PDE1C: variants seen among roughly 807,000 people sequenced by gnomAD.
The protein encoded by PDE1C is phosphodiesterase 1C.
A neutral mutation model predicts 93.1 loss-of-function variants in PDE1C; 62 were observed. The ratio of observed to expected loss-of-function variants is 0.67; its 90% CI spans 0.54 to 0.82. PDE1C has a LOEUF of 0.82. Among genes scored for constraint, PDE1C ranks in the 40% least tolerant of loss-of-function variants. The pLI is 0.00. For synonymous variants in PDE1C, 325 were observed against 310.1 expected (o/e 1.05, Z -0.50); for missense variants, 742 against 884.6 (o/e 0.84, Z 2.04).
chr7:32,295,647 T>G (rs1812572643), intron 1 of PDE1C, among the ~76,000 whole-genome samples: 1 of 152,132 alleles, frequency 6.6e-6, no homozygotes, highest in African/African-American at 2.4e-5. Flanking sequence ...ATCCCAACAC[T>G]TTGGGAGACC....
intron 1 of PDE1C, among the ~76,000 whole-genome samples, chr7:32,280,993 T>A (rs1051258079): frequency 1.3e-5 from 2 of 152,002 alleles, no homozygotes; most frequent in African/African-American, 2.4e-5. Context: ...TCTAAAAAAA[T>A]TTAAAAATAA....
At chr7:32,381,455 G>A (rs550076154) in intron 1 of PDE1C, among the ~76,000 whole-genome samples, 2 of 152,026 alleles carry the variant, frequency 1.3e-5, no homozygotes, top group East Asian at 3.9e-4. Context: ...ACTCATCCAG[G>A]CCTATGTGAA....
chr7:32,222,300 A>G (rs754385913), intron 1 of PDE1C, among the ~76,000 whole-genome samples: 6 of 152,194 alleles, frequency 3.9e-5, no homozygotes, highest in Non-Finnish European at 8.8e-5. Flanking sequence ...GGCACAGGAC[A>G]TTCCCTTGGG....
chr7:31,734,162 G>A, the PDE1C span, among the ~76,000 whole-genome samples: 6 of 152,132 alleles, frequency 3.9e-5, no homozygotes, highest in East Asian at 1.9e-4. Context: ...GGAAGGCACC[G>A]TATGGTGTGA....
At chr7:32,408,775 C>T (rs556118871) in intron 1 of PDE1C, among the ~76,000 whole-genome samples, 8 of 151,584 alleles carry the variant, frequency 5.3e-5, no homozygotes, top group African/African-American at 1.5e-4. Context: ...AGTGACAAAG[C>T]GAGACTCTGT....
chr7:31,726,961 G>T, the PDE1C span, among the ~76,000 whole-genome samples: 2 of 152,246 alleles, frequency 1.3e-5, no homozygotes, highest in African/African-American at 2.4e-5. Context: ...ACTTGAACCC[G>T]GGAGGTGGAG....
intron 1 of PDE1C, among the ~76,000 whole-genome samples, chr7:32,242,305 C>T (rs1032538915): frequency 3.3e-5 from 5 of 151,982 alleles, no homozygotes; most frequent in Non-Finnish European, 7.4e-5. Context: ...TCGGAGTTCC[C>T]AGGGGGTTGA....
chr7:32,013,622 T>TA (rs2128593203), intron 2 of PDE1C, among the ~76,000 whole-genome samples: 1 of 151,404 alleles, frequency 6.6e-6, no homozygotes, highest in East Asian at 1.9e-4. Flanking sequence ...CTGAGAAAGG[T>TA]AAAAACATCT....
At chr7:32,123,193 C>A (rs978559031) in intron 3 of PDE1C, among the ~76,000 whole-genome samples, 1 of 152,096 alleles carries the variant, frequency 6.6e-6, no homozygotes, top group Non-Finnish European at 1.5e-5. Flanking sequence ...AGACCAATAA[C>A]AAGTTCCAAA....
chr7:31,912,463 A>G (rs962680583), intron 2 of PDE1C, among the ~76,000 whole-genome samples: 1 of 152,140 alleles, frequency 6.6e-6, no homozygotes, highest in Admixed American at 6.5e-5. Context: ...AGACAGGTGG[A>G]ATCCTTGAGC....
chr7:31,847,893 T>G, intron 9 of PDE1C, 75 bp downstream of exon 9: 4 of 1,516,988 alleles, frequency 2.6e-6, no homozygotes, highest in Non-Finnish European at 3.6e-6. Flanking sequence ...TGTTCTTTTC[T>G]CAAAAACAGC....
intron 1 of PDE1C, among the ~76,000 whole-genome samples, chr7:32,366,294 A>G (rs1784227625): frequency 6.6e-6 from 1 of 152,236 alleles, no homozygotes; most frequent in African/African-American, 2.4e-5. Flanking sequence ...AATAAAAAGT[A>G]CAATTGAGAG....
intron 2 of PDE1C, among the ~76,000 whole-genome samples, chr7:32,025,544 C>T (rs1490323576): frequency 1.3e-5 from 2 of 152,080 alleles, no homozygotes; most frequent in Non-Finnish European, 1.5e-5. Flanking sequence ...GGACAGAAAA[C>T]CTGAGGAGGC....
chr7:32,095,438 G>A, intron 3 of PDE1C, among the ~76,000 whole-genome samples: 1 of 152,186 alleles, frequency 6.6e-6, no homozygotes, highest in Non-Finnish European at 1.5e-5. Flanking sequence ...CATTTGAGAT[G>A]TGTCACACTT....
intron 7 of PDE1C, among the ~76,000 whole-genome samples, chr7:31,851,196 G>C (rs1284500361): frequency 6.6e-6 from 1 of 152,148 alleles, no homozygotes; most frequent in Non-Finnish European, 1.5e-5. Context: ...GAAGTGGGTA[G>C]AGACAGATGG....
intron 1 of PDE1C, among the ~76,000 whole-genome samples, chr7:32,065,964 G>T (rs1443410570): frequency 6.6e-6 from 1 of 152,226 alleles, no homozygotes. Context: ...GGACCTCCAG[G>T]AGCTGACCCA....
intron 1 of PDE1C, among the ~76,000 whole-genome samples, chr7:32,261,206 C>T (rs990961395): frequency 1.3e-5 from 2 of 152,174 alleles, no homozygotes; most frequent in African/African-American, 4.8e-5. Context: ...GGTAACATCA[C>T]TTTTGTAAAA....
At chr7:31,652,695 T>C in the PDE1C span, 1,644 of 1,613,968 alleles carry the variant, frequency 1.0e-3, 10 homozygotes, top group African/African-American at 0.02. Context: ...TGGGACCCAG[T>C]TGGCTGCCTT....
At position 31,924,387 on chromosome 7, in the gene PDE1C, G is replaced by C. The variant is rs570980023; in HGVS notation, c.129-43527C>G. On this transcript the variant is annotated intron_variant, in intron 2 of 17. Coordinates refer to ENST00000396191, the MANE Select transcript of PDE1C (RefSeq NM_001191057.4). ...ATTCAAGGAAATAATTTGTAGCAAA[G>C]CTGAGTAGAAGATTCCTCTGAGCTG... Among the ~76,000 whole-genome samples the C allele has an allele frequency of 3.4e-4, 52 of 152,288 alleles. 3 individuals carry two copies. The South Asian group carries it at 0.011, about 32-fold the overall frequency.
Sources: gnomAD v4.1 joint callset for allele counts (sites outside exome capture counted in the v4.1 genomes callset) on GRCh38, gnomAD v4.1.1 for gene constraint, MANE v1.5 for transcripts, NCBI Gene and HGNC (gene_info 2026-07-23, HGNC 2026-07-21) for gene names.